NUP210L: variants seen among roughly 807,000 people sequenced by gnomAD.
NUP210L encodes nucleoporin 210 like.
NUP210L carries 74 observed loss-of-function variants against 208.5 expected under a neutral mutation model. The ratio of observed to expected loss-of-function variants is 0.35; its 90% CI spans 0.29 to 0.43. NUP210L has a LOEUF of 0.43. NUP210L is among the 20% of genes least tolerant of loss of function. The pLI is 1.00. For missense variants in NUP210L, 1,843 were observed against 2,289.4 expected (o/e 0.81, Z 3.98); for synonymous variants, 780 against 816.9 (o/e 0.95, Z 0.77).
chr1:154,060,237 T>C (rs1464256536), intron 20 of NUP210L, among the ~76,000 whole-genome samples: 2 of 152,160 alleles, frequency 1.3e-5, no homozygotes, highest in African/African-American at 4.8e-5. Context: ...AGACTCTATC[T>C]CAATAAATAA....
intron 37 of NUP210L, among the ~76,000 whole-genome samples, chr1:154,000,102 A>G (rs562390619): frequency 1.3e-5 from 2 of 152,142 alleles, no homozygotes; most frequent in Non-Finnish European, 2.9e-5. Flanking sequence ...AAGTGCTGGA[A>G]TTACAAGGCA....
chr1:154,154,733 C>G, intron 1 of NUP210L, 109 bp downstream of exon 1: 1 of 884,176 alleles, frequency 1.1e-6, no homozygotes, highest in South Asian at 1.5e-5. Context: ...GGCTAGGCCC[C>G]TTCACGCGGC....
chr1:154,114,060 T>C (rs1350384697), intron 12 of NUP210L, among the ~76,000 whole-genome samples: 2 of 151,284 alleles, frequency 1.3e-5, no homozygotes, highest in Non-Finnish European at 2.9e-5. Context: ...GGAGAATTGC[T>C]TGAACTCGAG....
intron 35 of NUP210L, among the ~76,000 whole-genome samples, chr1:154,006,842 G>GTATA (rs1334784671): frequency 6.5e-5 from 7 of 106,930 alleles, no homozygotes; most frequent in Admixed American, 1.0e-4. Context: ...ATATATATAT[G>GTATA]TATATATATA....
At chr1:154,154,703 C>A in intron 1 of NUP210L, 139 bp downstream of exon 1, 1 of 681,962 alleles carries the variant, frequency 1.5e-6, no homozygotes, top group East Asian at 2.7e-5. Context: ...TTCACTGACA[C>A]CACACTCTCC....
intron 7 of NUP210L, among the ~76,000 whole-genome samples, chr1:154,134,345 A>G (rs1172469826): frequency 4.6e-5 from 7 of 151,932 alleles, no homozygotes; most frequent in Non-Finnish European, 1.5e-5. Flanking sequence ...GATGGAGTCC[A>G]AATCATATTT....
intron 12 of NUP210L, among the ~76,000 whole-genome samples, chr1:154,105,741 A>G (rs1334224228): frequency 6.6e-6 from 1 of 152,170 alleles, no homozygotes; most frequent in Non-Finnish European, 1.5e-5. Flanking sequence ...AGGGGTCCCC[A>G]ATTTCAGGCC....
chr1:154,091,256 C>T (rs995784579), intron 15 of NUP210L, among the ~76,000 whole-genome samples: 4 of 151,386 alleles, frequency 2.6e-5, no homozygotes, highest in African/African-American at 7.3e-5. Context: ...CAACCACACC[C>T]GGCTAATTTT....
chr1:154,087,504 G>A (rs1358633502), intron 16 of NUP210L, among the ~76,000 whole-genome samples: 1 of 152,094 alleles, frequency 6.6e-6, no homozygotes. Context: ...ATGTAAAATG[G>A]TGCAGCCACT....
rs956335080 is a variant in NUP210L, at chr1:154,144,778, C to T, written c.341-1201G>A. Among the ~76,000 whole-genome samples the T allele has an allele frequency of 9.2e-5, 14 of 152,194 alleles. No homozygotes were observed. In the South Asian group the frequency reaches 1.2e-3, roughly 13 times the overall value. ...TAAACATCAGGGATAAACTCTGTCCCTAACCATAGATCTGCTTTTAAGGAA... is the reference window on the plus strand; with the variant it reads ...TAAACATCAGGGATAAACTCTGTCCTTAACCATAGATCTGCTTTTAAGGAA... On this transcript the variant is annotated intron_variant, in intron 2 of 39. Coordinates refer to ENST00000368559, the Ensembl canonical transcript of NUP210L.
chr1:154,042,043 T>C lies in NUP210L; in HGVS notation c.3696+4026A>G, dbSNP rs780407902. On this transcript the variant is annotated intron_variant, in intron 27 of 39. Coordinates refer to ENST00000368559, the Ensembl canonical transcript of NUP210L. ...CCAAATGAACCTCTCAATGTTGGCA[T>C]TTCCACAGTGTAGGAAATCTACCCA... is the stretch of plus-strand genomic sequence containing the variant. Among the ~76,000 whole-genome samples, 99 of 152,178 alleles carry C rather than the reference T, an allele frequency of 6.5e-4. 1 individual carries two copies. Among genetic ancestry groups the C allele is most frequent in the Non-Finnish European group, 4.1e-4 (28 of 68,036 alleles).
chr1:154,058,154 G>C (rs777829508), exon 22 of NUP210L: 9 of 1,614,090 alleles, frequency 5.6e-6, no homozygotes, highest in Non-Finnish European at 7.6e-6. Flanking sequence ...ATTTATTTTG[G>C]AATGGGCGTT....
At chr1:154,150,295 A>G (rs548140547) in intron 2 of NUP210L, among the ~76,000 whole-genome samples, 3 of 151,988 alleles carry the variant, frequency 2.0e-5, no homozygotes, top group Non-Finnish European at 2.9e-5. Flanking sequence ...AATCGCTTGA[A>G]CCCGGGAGGC....
At chr1:154,012,707 C>G (rs943735838) in intron 33 of NUP210L, among the ~76,000 whole-genome samples, 3 of 151,928 alleles carry the variant, frequency 2.0e-5, no homozygotes, top group African/African-American at 7.3e-5. Context: ...CATGCCTAAC[C>G]AACAAAAGAC....
At chr1:154,127,455 C>A in intron 8 of NUP210L, 38 bp from the exon 9 acceptor site, 1 of 995,976 alleles carries the variant, frequency 1.0e-6, no homozygotes, top group Non-Finnish European at 1.5e-6. Flanking sequence ...TTAGAAGAGG[C>A]TAACATTTTT....
At chr1:154,060,635 A>G (rs567449520) in exon 20 of NUP210L, 1 of 1,605,664 alleles carries the variant, frequency 6.2e-7, no homozygotes. Flanking sequence ...ACAAGGCTAA[A>G]TGTTTCCTAT....
Position 154,012,103 on chromosome 1 carries a change from G to A in NUP210L, c.4780+141C>T, listed in dbSNP as rs1650961167. ...TAGTCATAATTTCTGAGGTCTCATA[G>A]AGCTCTATGATTTATTTGTCAAGAT... On this transcript the variant is annotated intron_variant, in intron 34 of 39. Coordinates refer to ENST00000368559, the Ensembl canonical transcript of NUP210L. 1.2e-5 allele frequency: 9 copies of A among 764,844 alleles called. No homozygotes were observed. The South Asian group carries it at 1.5e-4, about 12-fold the overall frequency. 47.4% of individuals were successfully genotyped at this position (764,844 alleles called of 1,614,324 possible).
chr1:154,122,690 A>C (rs1429610467), intron 10 of NUP210L, among the ~76,000 whole-genome samples: 2 of 152,088 alleles, frequency 1.3e-5, no homozygotes, highest in Non-Finnish European at 2.9e-5. Context: ...AGTGTTGACA[A>C]GGATGTGGAG....
At chr1:154,119,353 CG>C (rs1462936193) in intron 10 of NUP210L, among the ~76,000 whole-genome samples, 1 of 151,858 alleles carries the variant, frequency 6.6e-6, no homozygotes, top group Non-Finnish European at 1.5e-5. Context: ...TTTGGGAGGA[CG>C]AGGTGGGTGG....
Sources: gnomAD v4.1 joint callset for allele counts (sites outside exome capture counted in the v4.1 genomes callset) on GRCh38, gnomAD v4.1.1 for gene constraint, MANE v1.5 for transcripts, NCBI Gene and HGNC (gene_info 2026-07-23, HGNC 2026-07-21) for gene names.